CPS1: variants seen among roughly 807,000 people sequenced by gnomAD.
CPS1 encodes the protein carbamoyl-phosphate synthase [ammonia], mitochondrial.
Under a neutral mutation model 174.6 loss-of-function variants are expected in CPS1, and 109 were observed. The observed-to-expected ratio is 0.62, with a 90% CI of 0.53 to 0.73. The LOEUF (loss-of-function observed/expected upper bound fraction) is 0.73. Among genes scored for constraint, CPS1 ranks in the 30% least tolerant of loss-of-function variants. The probability of loss-of-function intolerance (pLI) is 0.00; values close to 1 mark genes in which losing one functional copy is unlikely to be tolerated. For synonymous variants in CPS1, 637 were observed against 632.0 expected (o/e 1.01, Z -0.12); for missense variants, 1,689 against 1,821.9 (o/e 0.93, Z 1.33).
intron 16 of CPS1, among the ~76,000 whole-genome samples, chr2:210,603,917 A>AAAAAAT (rs1370183276): frequency 7.9e-5 from 12 of 151,912 alleles, no homozygotes; most frequent in Admixed American, 7.9e-4. Context: ...CGAAGACTTC[A>AAAAAAT]AAAAATAAAA....
chr2:210,511,414 G>A (rs1695488624), intron 1 of CPS1, among the ~76,000 whole-genome samples: 1 of 152,026 alleles, frequency 6.6e-6, no homozygotes, highest in African/African-American at 2.4e-5. Context: ...GAGAGCATTA[G>A]GAGATATACC....
Position 210,654,142 on chromosome 2 carries a change from C to T in CPS1, c.3558+40C>T, listed in dbSNP as rs371325964. 8.1e-5 allele frequency: 127 copies of T among 1,558,534 alleles called. 1 individual carries two copies. In the South Asian group the frequency reaches 1.3e-3, roughly 16 times the overall value. On this transcript the variant is annotated intron_variant, in intron 29 of 37. Transcript: ENST00000233072. ...CTCATCTCCTTCATTCCTGCCTTCT[C>T]ATCATTTTTTTCTTTAACAATTTTG... is the stretch of plus-strand genomic sequence containing the variant.
intron 34 of CPS1, 132 bp from the exon 35 acceptor site, chr2:210,674,770 C>A: frequency 1.3e-6 from 1 of 772,404 alleles, no homozygotes; most frequent in Non-Finnish European, 2.3e-6. Context: ...AAGGATAAAA[C>A]TTGTCATTTT....
rs12476133 is a variant in CPS1 at position 210,678,677 on chromosome 2, C to G, written c.*692C>G. 37,453 of 152,828 alleles carry G rather than the reference C, an allele frequency of 0.25. 4,740 individuals are homozygous for G. The highest frequency in any genetic ancestry group is 0.33 in the South Asian group (1,612 of 4,850). The allele number at this position is 152,828 out of a possible 1,614,324, so 9.5% of individuals were successfully genotyped here. A position where few individuals can be genotyped will look rare whatever the true frequency, so the allele number is the denominator to read the frequency against. On this transcript the variant is annotated 3_prime_UTR_variant, in exon 38 of 38. Transcript: ENST00000233072. ...GCACAATCTCGGCTCACTGCAATTT[C>G]CGTCTCCCAAGTTCAAGCGATTCTC...
At chr2:210,654,128 C>A in intron 29 of CPS1, 26 bp downstream of exon 29, 1 of 1,584,456 alleles carries the variant, frequency 6.3e-7, no homozygotes, top group Non-Finnish European at 8.7e-7. Context: ...TCATCTCCTT[C>A]ATTCCTGCCT....
chr2:210,562,804 A>G (rs1697147378), intron 1 of CPS1, among the ~76,000 whole-genome samples: 1 of 151,966 alleles, frequency 6.6e-6, no homozygotes, highest in Non-Finnish European at 1.5e-5. Context: ...CAATACCATA[A>G]TCCCAGAGTA....
At chr2:210,490,212 G>A (rs1179033386) in intron 1 of CPS1, among the ~76,000 whole-genome samples, 1 of 152,180 alleles carries the variant, frequency 6.6e-6, no homozygotes, top group Non-Finnish European at 1.5e-5. Context: ...TAGAGCTAGA[G>A]CCTATTGCTA....
In CPS1 at chr2:210,612,117, G is replaced by C; in HGVS notation, c.2392G>C (p.Val798Leu). The C allele has an allele frequency of 6.2e-7, 1 of 1,611,508 alleles. No individual in the cohort carries two copies. Among genetic ancestry groups the C allele is most frequent in the Non-Finnish European group, 8.5e-7 (1 of 1,178,388 alleles). ...IGSSMKSVGE[V>L]MAIGRTFEES... ...ATGAGGTCTTAAACATGTATTACAG[G>C]TCATGGCTATTGGTCGTACCTTTGA... Residue 798 changes from valine (V) to leucine (L), a missense_variant and splice_region_variant, in exon 20 of 38, where the codon GTC becomes CTC. Val to Leu is a conservative substitution (Grantham distance 32). Coordinates refer to ENST00000233072, the MANE Select transcript of CPS1 (RefSeq NM_001875.5).
intron 1 of CPS1, among the ~76,000 whole-genome samples, chr2:210,488,940 T>C (rs1365343469): frequency 6.6e-6 from 1 of 152,166 alleles, no homozygotes; most frequent in Admixed American, 6.5e-5. Flanking sequence ...CTTAGTGGGC[T>C]TCAGATTCAT....
chr2:210,675,069 A>C, intron 35 of CPS1, 108 bp downstream of exon 35: 1 of 887,234 alleles, frequency 1.1e-6, no homozygotes, highest in Non-Finnish European at 1.9e-6. Context: ...TCCTTTTGAT[A>C]TGAAAGGTTT....
intron 21 of CPS1, among the ~76,000 whole-genome samples, chr2:210,627,047 C>G (rs1449685731): frequency 6.6e-6 from 1 of 152,174 alleles, no homozygotes; most frequent in Non-Finnish European, 1.5e-5. Flanking sequence ...TCAAAAGCTT[C>G]TTTTGCGAGA....
Position 210,544,892 on chromosome 2 carries a change from C to T in CPS1, c.4-11827C>T, listed in dbSNP as rs561219318. ...GAATTTCTTTATGGAGTTGAAGTGCCTAGTACATTTTTTTTTTCTCCTCAT... is the reference window on the plus strand; with the variant it reads ...GAATTTCTTTATGGAGTTGAAGTGCTTAGTACATTTTTTTTTTCTCCTCAT... On this transcript the variant is annotated intron_variant, in intron 1 of 38. Transcript: ENST00000430249. 2.0e-5 allele frequency among the ~76,000 whole-genome samples: 3 copies of T among 151,990 alleles called. No homozygotes were observed. In the South Asian group the frequency reaches 6.2e-4, roughly 32 times the overall value.
chr2:210,589,956 A>G, intron 7 of CPS1, 150 bp from the exon 8 acceptor site: 1 of 1,029,562 alleles, frequency 9.7e-7, no homozygotes, highest in East Asian at 2.7e-5. Context: ...CCCGGCCCCA[A>G]AGAAATTTTT....
chr2:210,625,585 C>T (rs1464000623), intron 21 of CPS1, among the ~76,000 whole-genome samples: 1 of 151,966 alleles, frequency 6.6e-6, no homozygotes, highest in African/African-American at 2.4e-5. Context: ...TCTCTCAGTC[C>T]AAGGACAATA....
intron 21 of CPS1, among the ~76,000 whole-genome samples, chr2:210,628,764 C>T (rs556459562): frequency 7.8e-4 from 118 of 151,332 alleles, no homozygotes; most frequent in African/African-American, 2.8e-3. Context: ...CACGCCACTG[C>T]ACTTCAGCCT....
intron 1 of CPS1, among the ~76,000 whole-genome samples, chr2:210,562,872 T>G (rs542239618): frequency 1.3e-5 from 2 of 151,952 alleles, no homozygotes; most frequent in Admixed American, 6.5e-5. Context: ...AATGGTGTTT[T>G]TTTTTTTTTT....
chr2:210,664,843 T>A (rs957401996), intron 33 of CPS1, among the ~76,000 whole-genome samples: 1 of 152,214 alleles, frequency 6.6e-6, no homozygotes, highest in African/African-American at 2.4e-5. Flanking sequence ...TCTGTTTTAT[T>A]ACTGACATCA....
chr2:210,639,798 A>T (rs1700158816), intron 23 of CPS1, among the ~76,000 whole-genome samples, 198 bp from the exon 24 acceptor site: 1 of 152,160 alleles, frequency 6.6e-6, no homozygotes, highest in Non-Finnish European at 1.5e-5. Flanking sequence ...AATTTAAAAA[A>T]TTCTGCCATA....
intron 19 of CPS1, among the ~76,000 whole-genome samples, chr2:210,609,152 T>G (rs1369878299): frequency 6.6e-6 from 1 of 151,994 alleles, no homozygotes; most frequent in Non-Finnish European, 1.5e-5. Context: ...TTTAACATCT[T>G]TAGAAGATTT....
Sources: allele counts gnomAD v4.1 joint callset (sites outside exome capture counted in the v4.1 genomes callset), GRCh38; gene constraint gnomAD v4.1.1; transcripts MANE v1.5; gene names NCBI Gene and HGNC (gene_info 2026-07-23, HGNC 2026-07-21).